Variants in EYS observed in about 807,000 individuals in gnomAD.
The protein encoded by EYS is EGF-like photoreceptor maintenance factor, also known as protein eyes shut homolog.
Under a neutral mutation model 282.1 loss-of-function variants are expected in EYS, and 250 were observed. The observed-to-expected ratio is 0.89, with a 90% CI of 0.80 to 0.98. The LOEUF (loss-of-function observed/expected upper bound fraction) is 0.98, where lower values mean the gene tolerates loss of function less well. Among genes scored for constraint, EYS ranks in the 50% least tolerant of loss-of-function variants. The probability of loss-of-function intolerance (pLI) is 0.00; values close to 1 mark genes in which losing one functional copy is unlikely to be tolerated. For synonymous variants in EYS, 1,355 were observed against 1,282.9 expected (o/e 1.06, Z -1.20); for missense variants, 4,016 against 3,709.0 (o/e 1.08, Z -2.15).
At chr6:64,451,661 A>G (rs537472475) in intron 26 of EYS, among the ~76,000 whole-genome samples, 1 of 152,320 alleles carries the variant, frequency 6.6e-6, no homozygotes, top group African/African-American at 2.4e-5. Flanking sequence ...CTTATCCACC[A>G]TGATCAAGCG....
chr6:63,770,129 C>G (rs926046525), intron 40 of EYS, among the ~76,000 whole-genome samples: 1 of 151,880 alleles, frequency 6.6e-6, no homozygotes, highest in African/African-American at 2.4e-5. Flanking sequence ...ACCTTAGTGC[C>G]AGGCACCATT....
chr6:64,346,809 A>G (rs1771420192), intron 29 of EYS, among the ~76,000 whole-genome samples: 1 of 151,552 alleles, frequency 6.6e-6, no homozygotes, highest in African/African-American at 2.4e-5. Context: ...TGTAAGAAAC[A>G]TGAAATATGT....
chr6:65,665,209 T>G (rs1326230420), intron 1 of EYS, among the ~76,000 whole-genome samples: 1 of 152,066 alleles, frequency 6.6e-6, no homozygotes, highest in Non-Finnish European at 1.5e-5. Flanking sequence ...ATATCGAAAA[T>G]CCATAAGAAT....
intron 11 of EYS, among the ~76,000 whole-genome samples, chr6:65,316,968 G>A (rs907960883): frequency 1.3e-5 from 2 of 152,084 alleles, no homozygotes; most frequent in African/African-American, 4.8e-5. Context: ...AATTGAACCA[G>A]CATCATTTGT....
chr6:64,371,870 T>G (rs1772385534), intron 29 of EYS, among the ~76,000 whole-genome samples: 1 of 152,108 alleles, frequency 6.6e-6, no homozygotes, highest in Admixed American at 6.6e-5. Context: ...GCATGGTAGG[T>G]TTTTCTCCAT....
At chr6:63,911,626 T>G (rs1764252401) in intron 35 of EYS, among the ~76,000 whole-genome samples, 1 of 152,238 alleles carries the variant, frequency 6.6e-6, no homozygotes. Flanking sequence ...ATGACCTGGG[T>G]CATTCCTTGT....
chr6:64,705,326 T>A (rs1389035129), intron 22 of EYS, among the ~76,000 whole-genome samples: 1 of 151,726 alleles, frequency 6.6e-6, no homozygotes, highest in African/African-American at 2.4e-5. Flanking sequence ...CTGAAGGAAA[T>A]CATAGATAAA....
chr6:65,510,877 A>G (rs1486959133), intron 2 of EYS, among the ~76,000 whole-genome samples: 3 of 152,196 alleles, frequency 2.0e-5, no homozygotes, highest in Non-Finnish European at 4.4e-5. Flanking sequence ...TCCATTGGTA[A>G]ATATGGTGCA....
intron 19 of EYS, among the ~76,000 whole-genome samples, chr6:64,824,838 CT>C (rs1203510582): frequency 1.3e-5 from 2 of 151,756 alleles, no homozygotes; most frequent in Non-Finnish European, 2.9e-5. Context: ...ATCTTAGGAT[CT>C]TTTTTTCCTA....
At position 63,984,500 on chromosome 6, in the gene EYS, T is replaced by C. The variant is rs1338918078; in HGVS notation, c.6938A>G (p.Gln2313Arg). The change falls in exon 35 of 43, where the codon CAA becomes CGA. Residue 2313 changes from glutamine to arginine, a missense_variant. By Grantham distance (43) the Gln-to-Arg change is conservative. Transcript: ENST00000503581. ...YGFRGCILDL[Q>R]VNNKEFFIID... ...GATGAAGAATTCTTTGTTGTTTACT[T>C]GAAGGTCTAGAATGCAGCCCCTGAA... The C allele has an allele frequency of 6.5e-7, 1 of 1,549,576 alleles. No homozygotes were observed. Among genetic ancestry groups the C allele is most frequent in the East Asian group, 2.4e-5 (1 of 40,862 alleles).
chr6:65,098,908 TAAC>T (rs1774812884), intron 12 of EYS, among the ~76,000 whole-genome samples: 1 of 150,720 alleles, frequency 6.6e-6, no homozygotes, highest in African/African-American at 2.4e-5. Context: ...AAAAAAATAA[TAAC>T]AATTTTTTCA....
At chr6:65,690,985 A>G (rs1343326356) in intron 1 of EYS, among the ~76,000 whole-genome samples, 1 of 150,254 alleles carries the variant, frequency 6.7e-6, no homozygotes, top group Non-Finnish European at 1.5e-5. Flanking sequence ...TCTATCATTG[A>G]TGGGCATTTG....
intron 12 of EYS, among the ~76,000 whole-genome samples, chr6:65,080,154 A>G (rs1018103840): frequency 6.6e-6 from 1 of 152,054 alleles, no homozygotes; most frequent in African/African-American, 2.4e-5. Flanking sequence ...AGCTGAGAAA[A>G]CATCACTACA....
rs755023434 is a variant in EYS at position 65,402,555 on chromosome 6, G to A, written c.1107C>T (p.Ser369=). The A allele has an allele frequency of 9.8e-5, 155 of 1,574,020 alleles. 2 individuals carry two copies. The Middle Eastern group carries it at 5.4e-3, about 54-fold the overall frequency. Residue 369 remains serine, a synonymous_variant, in exon 7 of 43, where the codon AGC becomes AGT. Transcript: ENST00000503581. ...SPIFTDLLCK[S]IQTSCESFPL... ...GAAATGACTCACATGATGTTTGAAT[G>A]CTCTTACAAAGCAAATCTGTAAATA...
At chr6:64,176,786 C>T (rs1582385832) in intron 31 of EYS, among the ~76,000 whole-genome samples, 1 of 151,910 alleles carries the variant, frequency 6.6e-6, no homozygotes, top group African/African-American at 2.4e-5. Flanking sequence ...TTTTGAAGTG[C>T]TTTCAAATTG....
chr6:65,016,585 A>T (rs969543319), intron 13 of EYS, among the ~76,000 whole-genome samples: 3 of 152,244 alleles, frequency 2.0e-5, no homozygotes, highest in Admixed American at 6.5e-5. Flanking sequence ...GGCATCATGT[A>T]GGATATGTAA....
chr6:65,496,488 G>A (rs1485732854), intron 2 of EYS, among the ~76,000 whole-genome samples: 1 of 151,904 alleles, frequency 6.6e-6, no homozygotes, highest in Non-Finnish European at 1.5e-5. Context: ...CAAATTTTGA[G>A]AGGAAAGGTA....
At chr6:65,232,490 C>A (rs1183979606) in intron 12 of EYS, among the ~76,000 whole-genome samples, 1 of 151,888 alleles carries the variant, frequency 6.6e-6, no homozygotes, top group African/African-American at 2.4e-5. Context: ...AGGATAAAAT[C>A]TTTTTTTATG....
At chr6:65,233,861 G>A (rs143336122) in intron 12 of EYS, among the ~76,000 whole-genome samples, 1 of 152,262 alleles carries the variant, frequency 6.6e-6, no homozygotes, top group Non-Finnish European at 1.5e-5. Context: ...GGGTCTGCAT[G>A]TAGCTTGGAG....
Sources: allele counts gnomAD v4.1 joint callset (sites outside exome capture counted in the v4.1 genomes callset), GRCh38; gene constraint gnomAD v4.1.1; transcripts MANE v1.5; gene names NCBI Gene and HGNC (gene_info 2026-07-23, HGNC 2026-07-21).